The following DENND2C variants were observed in gnomAD, a reference collection of about 807,000 sequenced individuals.
The protein encoded by DENND2C is DENN domain-containing protein 2C.
A neutral mutation model predicts 112.4 loss-of-function variants in DENND2C; 72 were observed. The observed-to-expected ratio is 0.64, with a 90% CI of 0.53 to 0.78. The LOEUF is 0.78. DENND2C is among the 30% of genes least tolerant of loss of function. The pLI is 0.00. For missense variants in DENND2C, 992 were observed against 1,113.8 expected, an observed-to-expected ratio of 0.89 and a Z score of 1.56; for synonymous variants, 329 against 381.6, an observed-to-expected ratio of 0.86 and a Z score of 1.61.
chr1:114,668,728 A>T (rs1460153801), intron 1 of DENND2C, among the ~76,000 whole-genome samples: 2 of 152,208 alleles, frequency 1.3e-5, no homozygotes, highest in Non-Finnish European at 2.9e-5. Flanking sequence ...ATCCATAGTA[A>T]AGAACAAAAA....
chr1:114,600,793 A>T, intron 14 of DENND2C, 27 bp downstream of exon 14: 1 of 1,603,650 alleles, frequency 6.2e-7, no homozygotes, highest in South Asian at 1.1e-5. Flanking sequence ...TAGTGCTATC[A>T]AATCTTTTCA....
At chr1:114,611,667 A>G (rs1655820848) in intron 8 of DENND2C, among the ~76,000 whole-genome samples, 1 of 152,102 alleles carries the variant, frequency 6.6e-6, no homozygotes, top group African/African-American at 2.4e-5. Context: ...CAGTACTCAT[A>G]CTGCTTTGAA....
rs1436377843 is a variant in DENND2C, at chr1:114,645,493, G to A, written c.-250C>T. 6.6e-6 allele frequency: 1 copy of A among 152,152 alleles called. No homozygotes were observed. Among genetic ancestry groups the A allele is most frequent in the Non-Finnish European group, 1.5e-5 (1 of 68,030 alleles). 9.4% of individuals were successfully genotyped at this position (152,152 alleles called of 1,614,324 possible). On this transcript the variant is annotated 5_prime_UTR_variant, in exon 3 of 21. Transcript: ENST00000393274. The stretch of plus-strand genomic sequence containing the variant: ...AGATTTCTACAGCCTCCAGACTTGT[G>A]AGAATATCAATCTCTGGCGTTTGAA...
Position 114,594,509 on chromosome 1 carries a change from T to G in DENND2C, c.2395A>C (p.Asn799His), listed in dbSNP as rs1655287178. The G allele has an allele frequency of 6.2e-7, 1 of 1,613,928 alleles. No individual in the cohort carries two copies. Among genetic ancestry groups the G allele is most frequent in the Non-Finnish European group, 8.5e-7 (1 of 1,180,004 alleles). ...TTCTGCTCCTGAGTCAAGATTTCAT[T>G]TCGTTCTTCCAAAATCTGCATCAGG... ...AALMQILEER[N>H]EILTQEQNFS... The change falls in exon 18 of 21, where the codon AAT (asparagine) becomes CAT (histidine). Residue 799 changes from asparagine (N) to histidine (H), a missense_variant. This residue lies in a region of DENND2C where 516 missense variants were observed against 623.6 expected (regional missense o/e 0.83). Transcript: ENST00000393274.
Position 114,626,149 on chromosome 1 carries a change from A to G in DENND2C, c.-165T>C. On this transcript the variant is annotated 5_prime_UTR_variant, in exon 4 of 21. Coordinates refer to ENST00000393274, the MANE Select transcript of DENND2C (RefSeq NM_001256404.2). ...TGTAAAAAGAAAATTTTGATCAGTG[A>G]TCCTTGTTGAAAATGGCTACAACCT... 2 of 661,188 alleles carry G rather than the reference A, an allele frequency of 3.0e-6. No homozygotes were observed. The highest frequency in any genetic ancestry group is 4.9e-6 in the Non-Finnish European group (2 of 411,444). The allele number at this position is 661,188 out of a possible 1,614,324, so 41.0% of individuals were successfully genotyped here. A position where few individuals can be genotyped will look rare whatever the true frequency, so the allele number is the denominator to read the frequency against.
chr1:114,658,676 T>C (rs1300344393), intron 1 of DENND2C, among the ~76,000 whole-genome samples: 1 of 151,620 alleles, frequency 6.6e-6, no homozygotes, highest in Non-Finnish European at 1.5e-5. Flanking sequence ...TAATGAAAGA[T>C]ATAATAAATA....
intron 1 of DENND2C, among the ~76,000 whole-genome samples, chr1:114,668,541 A>T (rs1657705759): frequency 6.6e-6 from 1 of 151,776 alleles, no homozygotes; most frequent in Admixed American, 6.6e-5. Context: ...ACACACACAC[A>T]CACACACACA....
chr1:114,643,915 T>C (rs1656909428), intron 3 of DENND2C, among the ~76,000 whole-genome samples: 1 of 152,188 alleles, frequency 6.6e-6, no homozygotes, highest in Non-Finnish European at 1.5e-5. Flanking sequence ...AATTTCATGA[T>C]TGTGTTACAT....
intron 1 of DENND2C, among the ~76,000 whole-genome samples, chr1:114,664,891 G>A (rs1283693044): frequency 4.0e-5 from 6 of 150,766 alleles, no homozygotes; most frequent in Admixed American, 6.6e-5. Flanking sequence ...TCAGGAGTTC[G>A]AGACCAGCCT....
chr1:114,657,222 T>C (rs561051377), intron 1 of DENND2C, among the ~76,000 whole-genome samples: 1 of 152,232 alleles, frequency 6.6e-6, no homozygotes. Flanking sequence ...CTCACTGTGG[T>C]TTCCATGTCA....
chr1:114,631,457 G>A (rs1656486316), intron 3 of DENND2C, among the ~76,000 whole-genome samples: 1 of 151,972 alleles, frequency 6.6e-6, no homozygotes, highest in South Asian at 2.1e-4. Context: ...ACCTGAAAAT[G>A]AGACCTATAC....
intron 1 of DENND2C, among the ~76,000 whole-genome samples, chr1:114,661,473 CTG>C (rs1657490976): frequency 6.6e-6 from 1 of 152,130 alleles, no homozygotes; most frequent in South Asian, 2.1e-4. Context: ...AAATAGGAAA[CTG>C]AGATAACTTT....
rs147242882 is a variant in DENND2C, at chr1:114,625,965, C to T, written c.20G>A (p.Arg7His). The change falls in exon 4 of 21, where the codon CGT becomes CAT. Residue 7 changes from arginine to histidine, a missense_variant. Arg to His is a conservative substitution (Grantham distance 29, BLOSUM62 0). Coordinates refer to ENST00000393274, the MANE Select transcript of DENND2C (RefSeq NM_001256404.2). ...TCTTGACAGTGTCTGAACAGTAGTACGAGAAAAACCAACATCCATGTTCCC... is the reference window on the plus strand; with the variant it reads ...TCTTGACAGTGTCTGAACAGTAGTATGAGAAAAACCAACATCCATGTTCCC... MDVGFS[R>H]TTVQTLSRSH... The T allele has an allele frequency of 3.1e-4, 492 of 1,608,712 alleles. 1 individual carries two copies. In the East Asian group the frequency reaches 5.3e-3, roughly 17 times the overall value.
In DENND2C at chr1:114,585,520, T is replaced by C. The variant is rs1655016999; in HGVS notation, c.*80A>G. ...AAATTTCAAGAATTTTGTAGAATAC[T>C]TCATGGGATCCTGACCCTTAGAAAA... On this transcript the variant is annotated 3_prime_UTR_variant, in exon 21 of 21. Coordinates refer to ENST00000393274, the MANE Select transcript of DENND2C (RefSeq NM_001256404.2). 1.3e-6 allele frequency: 2 copies of C among 1,486,492 alleles called. No individual in the cohort carries two copies. Among genetic ancestry groups the C allele is most frequent in the Admixed American group, 3.7e-5 (2 of 54,682 alleles). 92.1% of individuals were successfully genotyped at this position (1,486,492 alleles called of 1,614,324 possible). A position where few individuals can be genotyped will look rare whatever the true frequency, so the allele number is the denominator to read the frequency against.
intron 2 of DENND2C, among the ~76,000 whole-genome samples, chr1:114,651,747 G>GA (rs1657171757): frequency 6.6e-6 from 1 of 152,096 alleles, no homozygotes; most frequent in Admixed American, 6.6e-5. Flanking sequence ...AAAAAAGAAA[G>GA]AAAAAGGAAA....
At chr1:114,658,046 G>A (rs1657381455) in intron 1 of DENND2C, among the ~76,000 whole-genome samples, 1 of 152,156 alleles carries the variant, frequency 6.6e-6, no homozygotes, top group African/African-American at 2.4e-5. Flanking sequence ...TCCAGGTTTA[G>A]GGGCTATACA....
chr1:114,600,212 G>A lies in DENND2C; in HGVS notation c.2097C>T (p.Asn699=). 6.2e-7 allele frequency: 1 copy of A among 1,613,940 alleles called. No individual in the cohort carries two copies. Among genetic ancestry groups the A allele is most frequent in the Non-Finnish European group, 8.5e-7 (1 of 1,179,938 alleles). ...TTTCACTTATTTCTTACCTTAGGCTGTTGGCAACAAAGATTACCCTACGCT... is the reference window on the plus strand; with the variant it reads ...TTTCACTTATTTCTTACCTTAGGCTATTGGCAACAAAGATTACCCTACGCT... ...LLERRVIFVA[N]SLSTLSKCGH... Residue 699 remains asparagine, a synonymous_variant, in exon 15 of 21, where the codon AAC becomes AAT. Transcript: ENST00000393274.
chr1:114,588,035 C>A, intron 18 of DENND2C, 83 bp from the exon 19 acceptor site: 2 of 1,191,266 alleles, frequency 1.7e-6, no homozygotes, highest in South Asian at 2.8e-5. Context: ...TTATGGAAGT[C>A]GTGCCTAAGA....
intron 18 of DENND2C, among the ~76,000 whole-genome samples, chr1:114,590,390 CAAAA>C (rs1201409186): frequency 6.7e-6 from 1 of 148,880 alleles, no homozygotes; most frequent in South Asian, 2.1e-4. Flanking sequence ...AACCTTATCT[CAAAA>C]AAAAAATTCA....
Sources: allele counts gnomAD v4.1 joint callset (sites outside exome capture counted in the v4.1 genomes callset), GRCh38; gene constraint gnomAD v4.1.1; regional missense constraint gnomAD v4.1.1; transcripts MANE v1.5; gene names NCBI Gene and HGNC (gene_info 2026-07-23, HGNC 2026-07-21).